EHBP1: variants seen among roughly 807,000 people sequenced by gnomAD.
The protein encoded by EHBP1 is EH domain binding protein 1.
Under a neutral mutation model 144.0 loss-of-function variants are expected in EHBP1, and 55 were observed. That is an observed-to-expected ratio of 0.38 (90% confidence interval 0.31 to 0.48). The LOEUF is 0.48. Ranked by LOEUF, EHBP1 falls within the 20% of genes least tolerant of loss-of-function variation. The pLI is 0.98. For synonymous variants in EHBP1, 469 were observed against 472.7 expected, an observed-to-expected ratio of 0.99 and a Z score of 0.10; for missense variants, 1,200 against 1,364.2, an observed-to-expected ratio of 0.88 and a Z score of 1.90.
chr2:62,775,474 C>T (rs1420565824), intron 5 of EHBP1, among the ~76,000 whole-genome samples: 1 of 152,100 alleles, frequency 6.6e-6, no homozygotes. Flanking sequence ...AAGGTATGCT[C>T]TTTGAATGGA....
intron 5 of EHBP1, among the ~76,000 whole-genome samples, chr2:62,801,067 A>T (rs1343222423): frequency 6.6e-6 from 1 of 152,240 alleles, no homozygotes; most frequent in Non-Finnish European, 1.5e-5. Context: ...TCAAAGGTTT[A>T]TAACTATACA....
At chr2:62,884,945 A>G (rs553459036) in intron 10 of EHBP1, among the ~76,000 whole-genome samples, 1 of 152,364 alleles carries the variant, frequency 6.6e-6, no homozygotes, top group South Asian at 2.1e-4. Context: ...TTTGATGCTT[A>G]AAAAGATCAG....
intron 5 of EHBP1, among the ~76,000 whole-genome samples, chr2:62,781,094 C>G (rs2042392860): frequency 1.3e-5 from 2 of 152,124 alleles, no homozygotes; most frequent in Admixed American, 1.3e-4. Flanking sequence ...GGTGTGGTCT[C>G]TGACTTCCAG....
At chr2:62,957,540 A>G (rs982579557) in intron 14 of EHBP1, among the ~76,000 whole-genome samples, 1 of 152,112 alleles carries the variant, frequency 6.6e-6, no homozygotes, top group Non-Finnish European at 1.5e-5. Context: ...AAAAGAGACC[A>G]ATAAAATTAC....
At chr2:62,714,888 C>G (rs866958267) in intron 2 of EHBP1, among the ~76,000 whole-genome samples, 1 of 152,114 alleles carries the variant, frequency 6.6e-6, no homozygotes, top group Non-Finnish European at 1.5e-5. Context: ...TTTGACAATA[C>G]TTTGACTTTT....
chr2:62,978,687 T>C (rs2153194103), intron 14 of EHBP1, among the ~76,000 whole-genome samples: 1 of 152,320 alleles, frequency 6.6e-6, no homozygotes, highest in East Asian at 1.9e-4. Context: ...TATGTACTGA[T>C]AAACTATCCC....
chr2:62,733,660 G>A (rs529153061), intron 2 of EHBP1, among the ~76,000 whole-genome samples: 13 of 152,250 alleles, frequency 8.5e-5, no homozygotes, highest in African/African-American at 3.1e-4. Context: ...TTATTAAGAG[G>A]CTTGGGAAAG....
chr2:62,687,716 C>G (rs2033765384), intron 1 of EHBP1, among the ~76,000 whole-genome samples: 1 of 151,950 alleles, frequency 6.6e-6, no homozygotes, highest in South Asian at 2.1e-4. Context: ...TGTAAGGGTT[C>G]CAATACAAAG....
At chr2:62,703,574 C>T (rs1458131268), upstream of EHBP1, among the ~76,000 whole-genome samples, 1 of 152,144 alleles carries the variant, frequency 6.6e-6, no homozygotes, top group Non-Finnish European at 1.5e-5. Context: ...AATTCCTTCA[C>T]TCATTTAGTA....
chr2:62,805,202 C>T (rs775877892), intron 5 of EHBP1, among the ~76,000 whole-genome samples: 2 of 151,704 alleles, frequency 1.3e-5, no homozygotes, highest in African/African-American at 4.8e-5. Context: ...TGAAAACAAC[C>T]CAAATGTCCA....
intron 2 of EHBP1, among the ~76,000 whole-genome samples, chr2:62,739,250 C>T (rs1432548101): frequency 2.6e-5 from 4 of 152,160 alleles, no homozygotes; most frequent in Non-Finnish European, 5.9e-5. Context: ...CAGGAAATCT[C>T]TTGAGACCCT....
intron 19 of EHBP1, among the ~76,000 whole-genome samples, chr2:63,013,392 C>T (rs182976094): frequency 1.2e-3 from 186 of 152,238 alleles, no homozygotes; most frequent in Middle Eastern, 6.8e-3. Context: ...CAGTCCTTTC[C>T]TATAAAGAGT....
chr2:62,696,690 T>A lies in EHBP1; in HGVS notation c.-295-10207T>A, dbSNP rs1041230576. Among the ~76,000 whole-genome samples the A allele has an allele frequency of 2.0e-5, 3 of 151,722 alleles. No individual in the cohort carries two copies. In the South Asian group the frequency reaches 6.2e-4, roughly 31 times the overall value. On this transcript the variant is annotated intron_variant, in intron 1 of 22. Transcript: ENST00000405015. ...CACCAGGCCCGGCTAATTTTTTTTT[T>A]GTATTTTTAGTAGAGACGGGGTTTC...
chr2:63,038,906 C>A, intron 21 of EHBP1, 90 bp downstream of exon 21: 2 of 1,281,244 alleles, frequency 1.6e-6, no homozygotes, highest in Non-Finnish European at 2.3e-6. Flanking sequence ...CTTACTAGAT[C>A]TGGTGTACTA....
At chr2:62,717,975 C>T (rs557797383) in intron 2 of EHBP1, among the ~76,000 whole-genome samples, 3 of 152,254 alleles carry the variant, frequency 2.0e-5, no homozygotes, top group African/African-American at 7.2e-5. Flanking sequence ...AAGGGATGCA[C>T]ATTGGCTCTT....
At chr2:62,905,107 G>C (rs917478019) in intron 10 of EHBP1, among the ~76,000 whole-genome samples, 12 of 152,178 alleles carry the variant, frequency 7.9e-5, no homozygotes, top group Admixed American at 5.9e-4. Context: ...GTCAAGGCAT[G>C]AACTGGATAA....
chr2:62,674,552 C>T (rs1246094908), intron 1 of EHBP1, among the ~76,000 whole-genome samples: 2 of 152,172 alleles, frequency 1.3e-5, no homozygotes, highest in East Asian at 3.8e-4. Context: ...GTTTGGTTAA[C>T]CCTACAGTAG....
chr2:62,873,345 A>G (rs1378342871), intron 9 of EHBP1, among the ~76,000 whole-genome samples: 1 of 152,198 alleles, frequency 6.6e-6, no homozygotes, highest in Admixed American at 6.5e-5. Context: ...AAATGTACTT[A>G]TTAAAATTAA....
chr2:62,990,874 T>C, intron 16 of EHBP1, 34 bp downstream of exon 16: 5 of 1,565,400 alleles, frequency 3.2e-6, no homozygotes, highest in East Asian at 2.3e-5. Flanking sequence ...TTTGGCTTAG[T>C]ATCTGTGTCT....
Sources: gnomAD v4.1 joint callset for allele counts (sites outside exome capture counted in the v4.1 genomes callset) on GRCh38, gnomAD v4.1.1 for gene constraint, MANE v1.5 for transcripts, NCBI Gene and HGNC (gene_info 2026-07-23, HGNC 2026-07-21) for gene names.